UBXN7: variants seen among roughly 807,000 people sequenced by gnomAD.
UBXN7 encodes UBX domain-containing protein 7.
Under a neutral mutation model 58.0 loss-of-function variants are expected in UBXN7, and 9 were observed. That is an observed-to-expected ratio of 0.16 (90% CI 0.09 to 0.27). The LOEUF (loss-of-function observed/expected upper bound fraction) is 0.27, where lower values mean the gene tolerates loss of function less well. Ranked by LOEUF, UBXN7 falls within the 10% of genes least tolerant of loss-of-function variation. The pLI, the probability that UBXN7 is intolerant of heterozygous loss-of-function variation, is 1.00. For missense variants in UBXN7, 328 were observed against 599.6 expected (o/e 0.55, Z 4.73); for synonymous variants, 208 against 205.0 (o/e 1.01, Z -0.12).
intron 10 of UBXN7, among the ~76,000 whole-genome samples, chr3:196,358,295 A>G (rs1486103674): frequency 6.6e-6 from 1 of 152,176 alleles, no homozygotes; most frequent in South Asian, 2.1e-4. Flanking sequence ...GAAAACCACT[A>G]TCCTCTTCAA....
At chr3:196,429,989 A>T (rs1317874447) in intron 1 of UBXN7, among the ~76,000 whole-genome samples, 1 of 152,196 alleles carries the variant, frequency 6.6e-6, no homozygotes, top group Non-Finnish European at 1.5e-5. Flanking sequence ...GCAACAGAAG[A>T]AGTAATGTGG....
intron 1 of UBXN7, among the ~76,000 whole-genome samples, chr3:196,428,326 T>C (rs1355727457): frequency 6.6e-6 from 1 of 151,886 alleles, no homozygotes; most frequent in Admixed American, 6.6e-5. Context: ...TGGTGGCACA[T>C]GCCTGTAGTC....
Position 196,355,063 on chromosome 3 carries a change from A to G in UBXN7, c.*1622T>C, listed in dbSNP as rs1728308610. 2.0e-5 allele frequency: 3 copies of G among 152,118 alleles called. No homozygotes were observed. 9.4% of individuals were successfully genotyped at this position (152,118 alleles called of 1,614,324 possible). On this transcript the variant is annotated 3_prime_UTR_variant, in exon 11 of 11. Transcript: ENST00000296328. The stretch of plus-strand genomic sequence containing the variant: ...TCCTATAACTGTGTACTAGCAACAC[A>G]TGGCATCTTTTTTTCTTCTTTTCCC...
At chr3:196,430,191 C>T (rs1367102329) in intron 1 of UBXN7, among the ~76,000 whole-genome samples, 2 of 151,836 alleles carry the variant, frequency 1.3e-5, no homozygotes, top group African/African-American at 4.8e-5. Context: ...CCCGCCTCTA[C>T]TAAAAATACA....
intron 1 of UBXN7, among the ~76,000 whole-genome samples, chr3:196,428,971 G>A (rs898364235): frequency 6.2e-5 from 9 of 144,468 alleles, no homozygotes; most frequent in Non-Finnish European, 1.0e-4. Flanking sequence ...AGAAACTGGA[G>A]AACAGCTTGG....
Position 196,361,931 on chromosome 3 carries a change from A to C in UBXN7, c.1229-8T>G, listed in dbSNP as rs772766404. ...TCAGCTGTGCTTTTGGTCCTAAAGGAAGGGTTTAAAAAAAAAAAAAAAACG... is the reference window on the plus strand; with the variant it reads ...TCAGCTGTGCTTTTGGTCCTAAAGGCAGGGTTTAAAAAAAAAAAAAAAACG... On this transcript the variant is annotated splice_region_variant and splice_polypyrimidine_tract_variant and intron_variant, in intron 9 of 10. Transcript: ENST00000296328. The C allele has an allele frequency of 1.6e-5, 26 of 1,606,736 alleles. No homozygotes were observed. Among genetic ancestry groups the C allele is most frequent in the Non-Finnish European group, 2.2e-5 (26 of 1,176,806 alleles).
intron 8 of UBXN7, among the ~76,000 whole-genome samples, chr3:196,365,282 A>G (rs1165607880): frequency 6.6e-6 from 1 of 151,948 alleles, no homozygotes; most frequent in Non-Finnish European, 1.5e-5. Flanking sequence ...TACATCCAGG[A>G]AAAGAAAATA....
intron 5 of UBXN7, among the ~76,000 whole-genome samples, chr3:196,378,055 G>A (rs1357889512): frequency 6.6e-6 from 1 of 152,050 alleles, no homozygotes; most frequent in Non-Finnish European, 1.5e-5. Flanking sequence ...ACAAACATAT[G>A]TATTATATTC....
At chr3:196,414,651 G>A (rs2108620372) in intron 1 of UBXN7, 1 of 152,266 alleles carries the variant, frequency 6.6e-6, no homozygotes, top group South Asian at 2.1e-4. Context: ...CCACCTTTCT[G>A]TTACGTTCTG....
At position 196,353,918 on chromosome 3, in the gene UBXN7, G is replaced by T. The variant is rs749217577; in HGVS notation, c.*2767C>A. The T allele has an allele frequency of 6.6e-6, 1 of 151,606 alleles. No individual in the cohort carries two copies. Among genetic ancestry groups the T allele is most frequent in the East Asian group, 1.9e-4 (1 of 5,178 alleles). The allele number at this position is 151,606 out of a possible 1,614,324, so 9.4% of individuals were successfully genotyped here. ...TCAAGCTGTGTCCAACACCCACAAG[G>T]AATGACTATTTTTAACTAATCTTAC... On this transcript the variant is annotated 3_prime_UTR_variant, in exon 11 of 11. Coordinates refer to ENST00000296328, the MANE Select transcript of UBXN7 (RefSeq NM_015562.2).
At chr3:196,408,097 CAAAAAAAAAA>C (rs71621241) in intron 1 of UBXN7, among the ~76,000 whole-genome samples, 22 of 45,238 alleles carry the variant, frequency 4.9e-4, no homozygotes, top group African/African-American at 1.3e-3. Context: ...GACTCTGTCT[CAAAAAAAAAA>C]AAAAAAAAAA....
Position 196,398,896 on chromosome 3 carries a change from G to A in UBXN7, c.289+4056C>T, listed in dbSNP as rs889296632. Among the ~76,000 whole-genome samples, 23 of 150,678 alleles carry A rather than the reference G, an allele frequency of 1.5e-4. No individual in the cohort carries two copies. The South Asian group carries it at 1.9e-3, about 13-fold the overall frequency. On this transcript the variant is annotated intron_variant, in intron 3 of 10. Transcript: ENST00000296328. ...AAACAATCCTCCCGCCTCAGCCTCC[G>A]AAAGTAATCCCAAAGTGTTCGGATT...
chr3:196,408,445 T>C (rs932711132), intron 1 of UBXN7, among the ~76,000 whole-genome samples: 1 of 152,206 alleles, frequency 6.6e-6, no homozygotes, highest in African/African-American at 2.4e-5. Flanking sequence ...TTCATACACA[T>C]GTCCAGCATA....
chr3:196,414,029 T>C (rs1730410139), intron 1 of UBXN7, among the ~76,000 whole-genome samples: 1 of 152,136 alleles, frequency 6.6e-6, no homozygotes, highest in African/African-American at 2.4e-5. Flanking sequence ...ATTTTGTTTC[T>C]TTTTTGCTGG....
rs1192071419 is a variant in UBXN7, at chr3:196,349,677, A to C, written c.*7008T>G. ...GGCAGGGAACGGTTCCAGATCAAGA[A>C]TCTCTCCCTTATCAGTTAAGAGTTC... On this transcript the variant is annotated 3_prime_UTR_variant, in exon 11 of 11. Transcript: ENST00000296328. 6.6e-6 allele frequency: 1 copy of C among 152,180 alleles called. No individual in the cohort carries two copies. Among genetic ancestry groups the C allele is most frequent in the African/African-American group, 2.4e-5 (1 of 41,436 alleles). 9.4% of individuals were successfully genotyped at this position (152,180 alleles called of 1,614,324 possible). A position where few individuals can be genotyped will look rare whatever the true frequency, so the allele number is the denominator to read the frequency against.
At chr3:196,409,668 C>A (rs2108617705) in intron 1 of UBXN7, among the ~76,000 whole-genome samples, 2 of 152,184 alleles carry the variant, frequency 1.3e-5, no homozygotes, top group East Asian at 3.9e-4. Context: ...GTTATAAATT[C>A]TCTGTGAAGA....
rs189889423 is a variant in UBXN7, at chr3:196,354,900, G to C, written c.*1785C>G. 2.0e-5 allele frequency: 3 copies of C among 151,634 alleles called. No individual in the cohort carries two copies. Among genetic ancestry groups the C allele is most frequent in the Non-Finnish European group, 4.4e-5 (3 of 67,866 alleles). 9.4% of individuals were successfully genotyped at this position (151,634 alleles called of 1,614,324 possible). A position where few individuals can be genotyped will look rare whatever the true frequency, so the allele number is the denominator to read the frequency against. On this transcript the variant is annotated 3_prime_UTR_variant, in exon 11 of 11. Transcript: ENST00000296328. ...ATACTTATACATAAGCACTTACACA[G>C]ACTTAGAAAAAAATTTAAGAACATT...
chr3:196,431,201 C>A (rs940862382), intron 1 of UBXN7, among the ~76,000 whole-genome samples: 2 of 152,126 alleles, frequency 1.3e-5, no homozygotes, highest in Non-Finnish European at 2.9e-5. Flanking sequence ...TAACAAATTA[C>A]GAGATAAAGT....
chr3:196,358,787 A>G (rs1220725551), intron 10 of UBXN7, among the ~76,000 whole-genome samples: 1 of 151,832 alleles, frequency 6.6e-6, no homozygotes, highest in African/African-American at 2.4e-5. Flanking sequence ...CACAGTTTGC[A>G]GTTAGAGATC....
Sources: gnomAD v4.1 joint callset for allele counts (sites outside exome capture counted in the v4.1 genomes callset) on GRCh38, gnomAD v4.1.1 for gene constraint, MANE v1.5 for transcripts, NCBI Gene and HGNC (gene_info 2026-07-23, HGNC 2026-07-21) for gene names.